The following SLC30A6 variants were observed in gnomAD, a reference collection of about 807,000 sequenced individuals.
SLC30A6 encodes the protein solute carrier family 30 member 6, also known as zinc transporter 6.
Under a neutral mutation model 63.0 loss-of-function variants are expected in SLC30A6, and 55 were observed. The observed-to-expected ratio is 0.87, with a 90% confidence interval of 0.70 to 1.09. SLC30A6 has a LOEUF of 1.09. SLC30A6 is among the 50% of genes least tolerant of loss of function. The pLI, the probability that SLC30A6 is intolerant of heterozygous loss-of-function variation, is 0.00. For synonymous variants in SLC30A6, 224 were observed against 186.1 expected (o/e 1.20, Z -1.66); for missense variants, 587 against 549.2 (o/e 1.07, Z -0.69).
intron 2 of SLC30A6, among the ~76,000 whole-genome samples, chr2:32,172,925 A>G (rs1241288338): frequency 1.3e-5 from 2 of 152,116 alleles, no homozygotes; most frequent in African/African-American, 2.4e-5. Flanking sequence ...TCTACATCCT[A>G]TCATTAGCAC....
chr2:32,213,943 T>G (rs1216231022), intron 13 of SLC30A6, among the ~76,000 whole-genome samples: 1 of 151,980 alleles, frequency 6.6e-6, no homozygotes, highest in African/African-American at 2.4e-5. Flanking sequence ...AGATAAAAAC[T>G]AGAAAGAAGC....
intron 5 of SLC30A6, among the ~76,000 whole-genome samples, chr2:32,185,138 G>T (rs956833067): frequency 6.6e-6 from 1 of 151,994 alleles, no homozygotes. Context: ...GTAGGTTGAG[G>T]CAGGAGGATT....
chr2:32,172,304 T>A (rs981905149), intron 2 of SLC30A6, among the ~76,000 whole-genome samples: 4 of 152,202 alleles, frequency 2.6e-5, no homozygotes, highest in African/African-American at 7.2e-5. Context: ...ATTTTCACTA[T>A]TTTTCAACTC....
At chr2:32,179,462 T>C (rs1158980318) in intron 4 of SLC30A6, among the ~76,000 whole-genome samples, 1 of 152,190 alleles carries the variant, frequency 6.6e-6, no homozygotes, top group Non-Finnish European at 1.5e-5. Flanking sequence ...GCAGAATTAC[T>C]TGGAAGGTCT....
At chr2:32,175,656 C>T (rs1043281450) in intron 4 of SLC30A6, among the ~76,000 whole-genome samples, 3 of 152,116 alleles carry the variant, frequency 2.0e-5, no homozygotes, top group African/African-American at 7.2e-5. Context: ...AGAACAAACA[C>T]ACAAACAACA....
intron 10 of SLC30A6, chr2:32,202,003 A>T: frequency 8.0e-7 from 1 of 1,246,972 alleles, no homozygotes; most frequent in Admixed American, 2.3e-5. Flanking sequence ...AGATCTACTG[A>T]ATGAGATATT....
intron 13 of SLC30A6, among the ~76,000 whole-genome samples, chr2:32,210,939 G>A (rs998046125): frequency 2.0e-5 from 3 of 152,164 alleles, no homozygotes; most frequent in African/African-American, 7.2e-5. Context: ...GAATGACTTG[G>A]ACAGGTCCAG....
chr2:32,171,236 C>G (rs1484307074), intron 1 of SLC30A6, 51 bp from the exon 2 acceptor site: 1 of 1,479,458 alleles, frequency 6.8e-7, no homozygotes, highest in Non-Finnish European at 9.4e-7. Flanking sequence ...CATAGGAACT[C>G]TGAAGATGAT....
chr2:32,177,840 G>T (rs891447529), intron 4 of SLC30A6, among the ~76,000 whole-genome samples: 1 of 151,958 alleles, frequency 6.6e-6, no homozygotes, highest in Non-Finnish European at 1.5e-5. Context: ...TATTGAACAG[G>T]CTGGTCTCGA....
At chr2:32,182,154 T>G (rs1026026094) in intron 4 of SLC30A6, among the ~76,000 whole-genome samples, 1 of 151,904 alleles carries the variant, frequency 6.6e-6, no homozygotes, top group Non-Finnish European at 1.5e-5. Context: ...AGGCTGGTCT[T>G]GTACTCTTGG....
intron 10 of SLC30A6, chr2:32,203,110 G>C: frequency 7.6e-7 from 1 of 1,309,220 alleles, no homozygotes; most frequent in South Asian, 1.2e-5. Context: ...TTCAGAGAAG[G>C]TAGTTTTAAA....
At chr2:32,171,700 T>A (rs72796875) in intron 2 of SLC30A6, among the ~76,000 whole-genome samples, 7,185 of 151,854 alleles carry the variant, frequency 0.047, 276 homozygotes, top group Admixed American at 0.13. Flanking sequence ...TTATTTATTT[T>A]TTTTTTTTTG....
In SLC30A6 at chr2:32,206,969, A is replaced by G. The variant is rs1684828035; in HGVS notation, c.816+36A>G. 6 of 1,487,884 alleles carry G rather than the reference A, an allele frequency of 4.0e-6. No homozygotes were observed. In the East Asian group the frequency reaches 1.4e-4, roughly 34 times the overall value. The allele number at this position is 1,487,884 out of a possible 1,614,324, so 92.2% of individuals were successfully genotyped here. A position where few individuals can be genotyped will look rare whatever the true frequency, so the allele number is the denominator to read the frequency against. ...ATAGTAAATAAAATCATTTTATTTT[A>G]TATCAGGGAATTGAAAAGGTGGATA... On this transcript the variant is annotated intron_variant, in intron 12 of 13. Transcript: ENST00000282587.
chr2:32,186,881 C>T (rs534944070), intron 5 of SLC30A6, among the ~76,000 whole-genome samples: 22 of 149,648 alleles, frequency 1.5e-4, no homozygotes, highest in African/African-American at 5.4e-4. Context: ...CCTGCATTCC[C>T]AGCTACTCAT....
intron 10 of SLC30A6, chr2:32,203,683 A>C: frequency 6.4e-7 from 1 of 1,551,148 alleles, no homozygotes; most frequent in Non-Finnish European, 8.9e-7. Flanking sequence ...CCTGAAAGGA[A>C]ATGTGCGTGT....
chr2:32,189,596 CTTTTTTTTTTTTTTT>C (rs3040842), intron 5 of SLC30A6, among the ~76,000 whole-genome samples: 5 of 51,882 alleles, frequency 9.6e-5, no homozygotes, highest in African/African-American at 2.9e-4. Flanking sequence ...CGCACCCGGC[CTTTTTTTTTTTTTTT>C]TTTTTTTTTT....
At chr2:32,182,468 C>T (rs1470584699) in intron 4 of SLC30A6, among the ~76,000 whole-genome samples, 1 of 152,118 alleles carries the variant, frequency 6.6e-6, no homozygotes, top group Admixed American at 6.5e-5. Flanking sequence ...TGATTGCAGC[C>T]ATCAGACTTC....
At chr2:32,176,776 CT>C (rs548375761) in intron 4 of SLC30A6, among the ~76,000 whole-genome samples, 24 of 148,262 alleles carry the variant, frequency 1.6e-4, no homozygotes, top group Non-Finnish European at 2.5e-4. Flanking sequence ...TATTTTCTTT[CT>C]TTTTTTTTTC....
At position 32,193,539 on chromosome 2, in the gene SLC30A6, C is replaced by T. The variant is rs147442960; in HGVS notation, c.402-350C>T. Among the ~76,000 whole-genome samples the T allele has an allele frequency of 5.7e-4, 87 of 152,302 alleles. 1 individual carries two copies. In the Middle Eastern group the frequency reaches 0.01, roughly 18 times the overall value. On this transcript the variant is annotated intron_variant, in intron 7 of 13. Coordinates refer to ENST00000282587, the MANE Select transcript of SLC30A6 (RefSeq NM_017964.5). The stretch of plus-strand genomic sequence containing the variant: ...TATTTCTCAACCACAGAGCTGCCAA[C>T]TATATGGACCTTATCTATTCTGATC...
Sources: gnomAD v4.1 joint callset for allele counts (sites outside exome capture counted in the v4.1 genomes callset) on GRCh38, gnomAD v4.1.1 for gene constraint, MANE v1.5 for transcripts, NCBI Gene and HGNC (gene_info 2026-07-23, HGNC 2026-07-21) for gene names.